The following PTPRD variants were observed in gnomAD, a reference collection of about 807,000 sequenced individuals.
PTPRD encodes the protein protein tyrosine phosphatase receptor type D, also known as receptor-type tyrosine-protein phosphatase delta.
In PTPRD, 34 loss-of-function variants were observed where a neutral mutation model predicts 214.5. That is an observed-to-expected ratio of 0.16 (90% CI 0.12 to 0.21). The LOEUF is 0.21. PTPRD is among the 10% of genes least tolerant of loss of function. The pLI, the probability that PTPRD is intolerant of heterozygous loss-of-function variation, is 1.00. For missense variants in PTPRD, 2,545 were observed against 2,398.7 expected (o/e 1.06, Z -1.27); for synonymous variants, 1,128 against 845.7 (o/e 1.33, Z -5.79).
Position 8,488,411 on chromosome 9 carries a change from CAT to C in PTPRD, c.2468-2064_2468-2063del, listed in dbSNP as rs1266062771. On this transcript the variant is annotated intron_variant, in intron 27 of 45. Transcript: ENST00000381196. The stretch of plus-strand genomic sequence containing the variant: ...TTTTAGATAAATAATTATTCAACAA[CAT>C]GTGTGCTGTGTTATACATATAAAAC... 2.6e-5 allele frequency among the ~76,000 whole-genome samples: 4 copies of C among 152,144 alleles called. 1 individual carries two copies. The highest frequency in any genetic ancestry group is 1.3e-4 in the Admixed American group (2 of 15,276).
At chr9:9,805,929 A>G (rs948536546) in intron 5 of PTPRD, among the ~76,000 whole-genome samples, 3 of 152,206 alleles carry the variant, frequency 2.0e-5, no homozygotes, top group African/African-American at 7.2e-5. Context: ...AAAAAAACAT[A>G]AAGTGAACCA....
At chr9:9,479,350 C>A (rs1429059110) in intron 8 of PTPRD, among the ~76,000 whole-genome samples, 1 of 28,652 alleles carries the variant, frequency 3.5e-5, no homozygotes, top group Non-Finnish European at 6.5e-5. Flanking sequence ...AACTGATGCA[C>A]ACACACACAC....
At chr9:9,552,025 G>A (rs1308074626) in intron 8 of PTPRD, among the ~76,000 whole-genome samples, 1 of 151,934 alleles carries the variant, frequency 6.6e-6, no homozygotes, top group African/African-American at 2.4e-5. Flanking sequence ...AGACACATAA[G>A]CCCAACTCTT....
chr9:8,358,526 T>C (rs1257936929), intron 39 of PTPRD, among the ~76,000 whole-genome samples: 2 of 152,214 alleles, frequency 1.3e-5, no homozygotes, highest in Non-Finnish European at 2.9e-5. Flanking sequence ...ATTTATTTAT[T>C]CTTCCAGAGC....
intron 8 of PTPRD, among the ~76,000 whole-genome samples, chr9:9,444,944 C>T (rs1196198541): frequency 2.6e-5 from 4 of 152,186 alleles, no homozygotes; most frequent in East Asian, 1.9e-4. Context: ...TTCCATTTGA[C>T]CAGTTTTAAC....
At chr9:8,364,070 G>A (rs1442307237) in intron 39 of PTPRD, among the ~76,000 whole-genome samples, 1 of 152,200 alleles carries the variant, frequency 6.6e-6, no homozygotes, top group African/African-American at 2.4e-5. Context: ...GTTTTACACA[G>A]CTAAATACTG....
chr9:10,386,577 G>C (rs1332422490), intron 2 of PTPRD, among the ~76,000 whole-genome samples: 1 of 151,748 alleles, frequency 6.6e-6, no homozygotes, highest in Non-Finnish European at 1.5e-5. Flanking sequence ...GGTTGAACCT[G>C]AATTTAGGAG....
chr9:8,859,992 C>T (rs570088651), intron 11 of PTPRD: 2 of 152,256 alleles, frequency 1.3e-5, no homozygotes, highest in Admixed American at 1.3e-4. Flanking sequence ...GGACCCTTGC[C>T]CCCTGTGACC....
At chr9:10,368,689 A>C (rs1247117901) in intron 2 of PTPRD, among the ~76,000 whole-genome samples, 1 of 152,100 alleles carries the variant, frequency 6.6e-6, no homozygotes, top group East Asian at 1.9e-4. Flanking sequence ...AGGAACTAAA[A>C]AGACTTATGA....
intron 3 of PTPRD, among the ~76,000 whole-genome samples, chr9:10,082,967 A>G (rs10958880): frequency 0.19 from 29,058 of 151,972 alleles, 3,386 homozygotes; most frequent in South Asian, 0.32. Flanking sequence ...TTAAGAAAAC[A>G]ACAGCCACAA....
In PTPRD at chr9:8,314,661, A is replaced by T. The variant is rs961857976; in HGVS notation, c.*3213T>A. 8.6e-6 allele frequency: 2 copies of T among 232,098 alleles called. No homozygotes were observed. The highest frequency in any genetic ancestry group is 4.4e-5 in the African/African-American group (2 of 45,250). 14.4% of individuals were successfully genotyped at this position (232,098 alleles called of 1,614,324 possible). Reference sequence around the variant, plus strand: ...AAAGAAAAACAAAAAGGGAATTAAAAATAAAAGGACTTAAAGCAAAACCGA... The same window carrying T: ...AAAGAAAAACAAAAAGGGAATTAAATATAAAAGGACTTAAAGCAAAACCGA... On this transcript the variant is annotated 3_prime_UTR_variant, in exon 46 of 46. Coordinates refer to ENST00000381196, the MANE Select transcript of PTPRD (RefSeq NM_002839.4).
intron 3 of PTPRD, among the ~76,000 whole-genome samples, chr9:10,111,545 A>C (rs1286130712): frequency 6.6e-6 from 1 of 152,028 alleles, no homozygotes; most frequent in Non-Finnish European, 1.5e-5. Flanking sequence ...GCCCCAGTTT[A>C]GTTTCTTATA....
intron 11 of PTPRD, among the ~76,000 whole-genome samples, chr9:8,863,495 A>G (rs1434859096): frequency 6.6e-6 from 1 of 152,192 alleles, no homozygotes; most frequent in East Asian, 1.9e-4. Flanking sequence ...ACTTATTTAT[A>G]ATTAATATAT....
At chr9:10,195,495 G>A (rs1465267268) in intron 3 of PTPRD, among the ~76,000 whole-genome samples, 1 of 152,080 alleles carries the variant, frequency 6.6e-6, no homozygotes, top group Non-Finnish European at 1.5e-5. Context: ...GTTTCTGGGA[G>A]CCAAGGTCTT....
At position 10,365,767 on chromosome 9, in the gene PTPRD, G is replaced by T. The variant is rs149548029; in HGVS notation, c.-599-24750C>A. On this transcript the variant is annotated intron_variant, in intron 2 of 45. Transcript: ENST00000381196. ...TTGATATTGAAATAATAGTTCAATA[G>T]TTAATACTACAAATAATATTAATTA... Among the ~76,000 whole-genome samples the T allele has an allele frequency of 1.4e-3, 206 of 152,156 alleles. 1 individual carries two copies. Among genetic ancestry groups the T allele is most frequent in the African/African-American group, 4.7e-3 (197 of 41,520 alleles).
chr9:8,938,436 C>A (rs753160331), intron 11 of PTPRD, among the ~76,000 whole-genome samples: 2 of 152,124 alleles, frequency 1.3e-5, no homozygotes, highest in Non-Finnish European at 2.9e-5. Flanking sequence ...AGCAATCATA[C>A]GGCCAAAATA....
intron 39 of PTPRD, among the ~76,000 whole-genome samples, chr9:8,355,759 G>A (rs1242910077): frequency 6.6e-6 from 1 of 152,184 alleles, no homozygotes; most frequent in Non-Finnish European, 1.5e-5. Context: ...TGAGAGCACG[G>A]AGACCTGGGC....
intron 6 of PTPRD, among the ~76,000 whole-genome samples, chr9:9,748,059 A>G (rs1473599690): frequency 6.6e-6 from 1 of 152,196 alleles, no homozygotes; most frequent in Non-Finnish European, 1.5e-5. Context: ...ACTGAATGGC[A>G]TCTCAGCAAG....
At chr9:10,360,649 C>T (rs1331963045) in intron 2 of PTPRD, among the ~76,000 whole-genome samples, 2 of 152,058 alleles carry the variant, frequency 1.3e-5, no homozygotes, top group Non-Finnish European at 2.9e-5. Context: ...TTTTGAATCC[C>T]TTTAGATTCA....
Sources: gnomAD v4.1 joint callset for allele counts (sites outside exome capture counted in the v4.1 genomes callset) on GRCh38, gnomAD v4.1.1 for gene constraint, MANE v1.5 for transcripts, NCBI Gene and HGNC (gene_info 2026-07-23, HGNC 2026-07-21) for gene names.